PLS1: variants seen among roughly 807,000 people sequenced by gnomAD.
The protein encoded by PLS1 is plastin-1.
In PLS1, 32 loss-of-function variants were observed where a neutral mutation model predicts 73.7. That is an observed-to-expected ratio of 0.43 (90% CI 0.33 to 0.58). The LOEUF (loss-of-function observed/expected upper bound fraction) is 0.58. Ranked by LOEUF, PLS1 falls within the 20% of genes least tolerant of loss-of-function variation. PLS1 has a pLI of 0.04. For synonymous variants in PLS1, 217 were observed against 261.3 expected, an observed-to-expected ratio of 0.83 and a Z score of 1.63; for missense variants, 633 against 740.5, an observed-to-expected ratio of 0.85 and a Z score of 1.68.
At chr3:142,640,065 A>G (rs998992379) in intron 1 of PLS1, among the ~76,000 whole-genome samples, 8 of 152,222 alleles carry the variant, frequency 5.3e-5, no homozygotes, top group Non-Finnish European at 1.0e-4. Flanking sequence ...TTTATACAAT[A>G]GAGGAAATAA....
At chr3:142,600,378 A>T (rs187742357) in intron 1 of PLS1, among the ~76,000 whole-genome samples, 1 of 152,184 alleles carries the variant, frequency 6.6e-6, no homozygotes. Context: ...ATTGTACACT[A>T]CCAGGAGGTG....
intron 1 of PLS1, among the ~76,000 whole-genome samples, chr3:142,599,281 C>T (rs2035869712): frequency 6.6e-6 from 1 of 150,542 alleles, no homozygotes; most frequent in South Asian, 2.1e-4. Flanking sequence ...AGCGCTTTAT[C>T]CAGACTATCC....
intron 8 of PLS1, among the ~76,000 whole-genome samples, chr3:142,685,169 TACTATAC>T (rs1352684211): frequency 1.3e-5 from 2 of 152,258 alleles, no homozygotes; most frequent in Non-Finnish European, 2.9e-5. Flanking sequence ...TGCTTTCATC[TACTATAC>T]ACTGTTATAT....
At chr3:142,704,623 G>A in intron 14 of PLS1, 37 bp downstream of exon 14, 1 of 813,714 alleles carries the variant, frequency 1.2e-6, no homozygotes, top group Non-Finnish European at 1.8e-6. Context: ...TTTTTTGTAG[G>A]TATAGGAAGG....
intron 1 of PLS1, among the ~76,000 whole-genome samples, chr3:142,663,115 T>C (rs950320250): frequency 6.6e-6 from 1 of 152,092 alleles, no homozygotes; most frequent in Non-Finnish European, 1.5e-5. Context: ...CTGGGGTGGC[T>C]GAGGCAGGAG....
chr3:142,599,474 C>T (rs1033022184), intron 1 of PLS1, among the ~76,000 whole-genome samples: 10 of 151,468 alleles, frequency 6.6e-5, no homozygotes, highest in South Asian at 2.1e-4. Flanking sequence ...GGACTACAGG[C>T]GCCCGCCACC....
intron 1 of PLS1, among the ~76,000 whole-genome samples, chr3:142,651,129 T>C (rs554353255): frequency 6.6e-6 from 1 of 152,282 alleles, no homozygotes; most frequent in African/African-American, 2.4e-5. Flanking sequence ...GAAGCATTTC[T>C]TTTTCTTTTT....
intron 1 of PLS1, among the ~76,000 whole-genome samples, chr3:142,641,174 A>T (rs1403897769): frequency 1.4e-5 from 2 of 142,878 alleles, no homozygotes; most frequent in Middle Eastern, 3.3e-3. Context: ...ATATATATAT[A>T]TTATATATAT....
rs549370182 is a variant in PLS1, at chr3:142,679,750, A to G, written c.579+1637A>G. 5.8e-4 allele frequency among the ~76,000 whole-genome samples: 88 copies of G among 152,212 alleles called. 1 individual carries two copies. Among genetic ancestry groups the G allele is most frequent in the South Asian group, 8.3e-4 (4 of 4,814 alleles). ...TCTTTTGGCTTAGGATTGACTTGGCAATGCGGGCTCTTTTTTGGTTCCATA... is the reference window on the plus strand; with the variant it reads ...TCTTTTGGCTTAGGATTGACTTGGCGATGCGGGCTCTTTTTTGGTTCCATA... On this transcript the variant is annotated intron_variant, in intron 6 of 15. Coordinates refer to ENST00000457734, the MANE Select transcript of PLS1 (RefSeq NM_001145319.2).
At chr3:142,630,898 A>G (rs900525838) in intron 1 of PLS1, among the ~76,000 whole-genome samples, 1 of 151,672 alleles carries the variant, frequency 6.6e-6, no homozygotes, top group Non-Finnish European at 1.5e-5. Context: ...ATAAAGACAT[A>G]TATATAGACC....
At chr3:142,663,180 A>C (rs1483483134) in intron 1 of PLS1, among the ~76,000 whole-genome samples, 1 of 152,124 alleles carries the variant, frequency 6.6e-6, no homozygotes, top group African/African-American at 2.4e-5. Context: ...GTGCCATTGC[A>C]CTCCAGCCTG....
intron 1 of PLS1, among the ~76,000 whole-genome samples, chr3:142,637,290 T>C (rs2036715016): frequency 6.6e-6 from 1 of 152,178 alleles, no homozygotes; most frequent in Non-Finnish European, 1.5e-5. Context: ...AAAGAGTATG[T>C]ACACATGATT....
At chr3:142,631,887 A>G (rs2036573197) in intron 1 of PLS1, among the ~76,000 whole-genome samples, 1 of 152,088 alleles carries the variant, frequency 6.6e-6, no homozygotes, top group African/African-American at 2.4e-5. Flanking sequence ...TCAAACCAAA[A>G]AACTTCTGCA....
chr3:142,628,717 C>T (rs533264756), intron 1 of PLS1, among the ~76,000 whole-genome samples: 3 of 152,282 alleles, frequency 2.0e-5, no homozygotes, highest in South Asian at 2.1e-4. Flanking sequence ...CTTTCTTTCA[C>T]AACATTTGTC....
chr3:142,684,210 A>G (rs753406294), intron 7 of PLS1, 39 bp downstream of exon 7: 135 of 1,613,666 alleles, frequency 8.4e-5, no homozygotes, highest in Non-Finnish European at 1.1e-4. Flanking sequence ...ATTGACATGT[A>G]CTTGCTATGG....
intron 10 of PLS1, among the ~76,000 whole-genome samples, chr3:142,690,630 T>C (rs902448315): frequency 2.0e-5 from 3 of 152,214 alleles, no homozygotes; most frequent in Non-Finnish European, 4.4e-5. Flanking sequence ...GTAAAATCTT[T>C]ATCCTTCTCC....
At chr3:142,702,245 ATATATC>A (rs2038346867) in intron 12 of PLS1, among the ~76,000 whole-genome samples, 1 of 152,224 alleles carries the variant, frequency 6.6e-6, no homozygotes, top group Admixed American at 6.5e-5. Context: ...AAAAATGAAT[ATATATC>A]AAACATTTTA....
At chr3:142,662,437 G>GGATA (rs1008279371) in intron 1 of PLS1, among the ~76,000 whole-genome samples, 114 of 152,170 alleles carry the variant, frequency 7.5e-4, no homozygotes, top group African/African-American at 2.7e-3. Context: ...GCTAGGGGAG[G>GGATA]GATAGCATTA....
chr3:142,612,933 T>A (rs1160921573), intron 1 of PLS1, among the ~76,000 whole-genome samples: 1 of 151,950 alleles, frequency 6.6e-6, no homozygotes, highest in Non-Finnish European at 1.5e-5. Flanking sequence ...CCTAACTAAT[T>A]TTTGTATTTT....
Sources: gnomAD v4.1 joint callset for allele counts (sites outside exome capture counted in the v4.1 genomes callset) on GRCh38, gnomAD v4.1.1 for gene constraint, MANE v1.5 for transcripts, NCBI Gene and HGNC (gene_info 2026-07-23, HGNC 2026-07-21) for gene names.